The following PUS10 variants were observed in gnomAD, a reference collection of about 807,000 sequenced individuals.
PUS10 encodes the protein pseudouridine synthase 10.
In PUS10, 59 loss-of-function variants were observed where a neutral mutation model predicts 75.0. The ratio of observed to expected loss-of-function variants is 0.79; its 90% CI spans 0.64 to 0.98. The LOEUF is 0.98. Ranked by LOEUF, PUS10 falls within the 50% of genes least tolerant of loss-of-function variation. The pLI, the probability that PUS10 is intolerant of heterozygous loss-of-function variation, is 0.00. For missense variants in PUS10, 650 were observed against 614.4 expected, an observed-to-expected ratio of 1.06 and a Z score of -0.61; for synonymous variants, 219 against 211.6, an observed-to-expected ratio of 1.03 and a Z score of -0.30.
At chr2:61,015,831 A>G (rs1679940834) in intron 1 of PUS10, among the ~76,000 whole-genome samples, 1 of 152,324 alleles carries the variant, frequency 6.6e-6, no homozygotes, top group East Asian at 1.9e-4. Flanking sequence ...AGGGGCGAAT[A>G]TAAGCATTTA....
chr2:60,969,591 C>T (rs779219857), intron 5 of PUS10, among the ~76,000 whole-genome samples: 1 of 152,126 alleles, frequency 6.6e-6, no homozygotes, highest in Non-Finnish European at 1.5e-5. Flanking sequence ...AAAAGATGAA[C>T]CAGAGTATGC....
intron 12 of PUS10, 24 bp from the exon 13 acceptor site, chr2:60,954,182 A>C: frequency 6.2e-7 from 1 of 1,612,190 alleles, no homozygotes; most frequent in Non-Finnish European, 8.5e-7. Context: ...CCCCGTCATG[A>C]AACAGAAACG....
chr2:61,000,641 A>C (rs1485185205), intron 4 of PUS10, among the ~76,000 whole-genome samples: 2 of 152,206 alleles, frequency 1.3e-5, no homozygotes, highest in African/African-American at 4.8e-5. Context: ...ATTATGTTAT[A>C]ATCACATCTC....
intron 1 of PUS10, among the ~76,000 whole-genome samples, chr2:61,015,032 T>C (rs1279129899): frequency 6.6e-6 from 1 of 152,108 alleles, no homozygotes; most frequent in Non-Finnish European, 1.5e-5. Context: ...GGGGAATATG[T>C]GAGTCAGCAG....
intron 4 of PUS10, among the ~76,000 whole-genome samples, chr2:60,989,172 A>G (rs993931347): frequency 6.6e-6 from 1 of 152,112 alleles, no homozygotes; most frequent in African/African-American, 2.4e-5. Flanking sequence ...AAGCAGCACC[A>G]AGGAATTCTG....
At chr2:60,950,288 C>T (rs1421759842) in intron 15 of PUS10, among the ~76,000 whole-genome samples, 1 of 152,096 alleles carries the variant, frequency 6.6e-6, no homozygotes, top group Non-Finnish European at 1.5e-5. Flanking sequence ...CTGCACTTTG[C>T]TTTTTTTCTC....
chr2:61,017,907 A>T, intron 1 of PUS10, 101 bp downstream of exon 1: 1 of 1,511,356 alleles, frequency 6.6e-7, no homozygotes. Flanking sequence ...GGGACTTGGC[A>T]GGAGGCGGTT....
intron 4 of PUS10, among the ~76,000 whole-genome samples, chr2:60,977,559 ATTG>A (rs893843464): frequency 3.3e-5 from 5 of 152,184 alleles, no homozygotes; most frequent in Admixed American, 2.6e-4. Flanking sequence ...TTTTTGTACT[ATTG>A]TTTTTCTTGT....
chr2:60,943,692 T>C (rs1674758013), intron 17 of PUS10, among the ~76,000 whole-genome samples: 1 of 152,042 alleles, frequency 6.6e-6, no homozygotes, highest in African/African-American at 2.4e-5. Context: ...TATAGCCATA[T>C]ACCAAACACC....
At chr2:60,999,633 CT>C (rs1678715686) in intron 4 of PUS10, among the ~76,000 whole-genome samples, 1 of 151,966 alleles carries the variant, frequency 6.6e-6, no homozygotes, top group South Asian at 2.1e-4. Context: ...TAAATAAACA[CT>C]ATAATAAGTA....
chr2:61,011,749 A>G lies in PUS10; in HGVS notation c.126+16T>C. The G allele has an allele frequency of 6.6e-7, 1 of 1,505,258 alleles. No homozygotes were observed. The highest frequency in any genetic ancestry group is 8.8e-7 in the Non-Finnish European group (1 of 1,133,336). 93.2% of individuals were successfully genotyped at this position (1,505,258 alleles called of 1,614,324 possible). ...TTCTCTTAATTTGAAAAAAAAAAAA[A>G]AAGAAAAGAAAATACCTTGTATGGA... is the stretch of plus-strand genomic sequence containing the variant. On this transcript the variant is annotated intron_variant, in intron 2 of 17. Coordinates refer to ENST00000316752, the MANE Select transcript of PUS10 (RefSeq NM_144709.4).
At chr2:60,953,251 T>G in intron 14 of PUS10, 137 bp from the exon 15 acceptor site, 1 of 636,128 alleles carries the variant, frequency 1.6e-6, no homozygotes, top group Admixed American at 2.5e-5. Flanking sequence ...ATTTTTAGTA[T>G]GTTTTCAGAG....
intron 4 of PUS10, among the ~76,000 whole-genome samples, chr2:60,995,603 T>A (rs1310177003): frequency 3.3e-5 from 5 of 152,180 alleles, no homozygotes; most frequent in Non-Finnish European, 7.3e-5. Context: ...CGCCACACGG[T>A]CCTAAAAATT....
intron 5 of PUS10, among the ~76,000 whole-genome samples, chr2:60,968,804 T>C (rs772531155): frequency 1.1e-4 from 17 of 152,310 alleles, no homozygotes; most frequent in East Asian, 1.9e-4. Flanking sequence ...AATACCCAGA[T>C]AAACTCTACA....
At chr2:60,945,198 A>T in intron 16 of PUS10, 90 bp from the exon 17 acceptor site, 1 of 806,352 alleles carries the variant, frequency 1.2e-6, no homozygotes, top group Non-Finnish European at 2.1e-6. Context: ...TAAGAGCAGA[A>T]ATGTTACAAA....
chr2:60,962,752 A>C, intron 9 of PUS10, 74 bp downstream of exon 9: 1 of 1,513,564 alleles, frequency 6.6e-7, no homozygotes, highest in Non-Finnish European at 8.8e-7. Flanking sequence ...TTTCAGAGAT[A>C]ATCCAGCTTA....
intron 3 of PUS10, 57 bp from the exon 4 acceptor site, chr2:61,006,700 C>T: frequency 7.5e-7 from 1 of 1,330,382 alleles, no homozygotes; most frequent in South Asian, 1.3e-5. Flanking sequence ...TATTACTTAC[C>T]CTAATCTTAA....
At chr2:61,005,336 T>C (rs1023143972) in intron 4 of PUS10, among the ~76,000 whole-genome samples, 2 of 152,190 alleles carry the variant, frequency 1.3e-5, no homozygotes, top group African/African-American at 2.4e-5. Context: ...AATAGTAACA[T>C]TAAGCTAATA....
chr2:60,997,368 T>A (rs1678540917), intron 4 of PUS10, among the ~76,000 whole-genome samples: 3 of 152,098 alleles, frequency 2.0e-5, no homozygotes. Flanking sequence ...CCCAGCACTT[T>A]GAGAGGCCGA....
Sources: allele counts gnomAD v4.1 joint callset (sites outside exome capture counted in the v4.1 genomes callset), GRCh38; gene constraint gnomAD v4.1.1; transcripts MANE v1.5; gene names NCBI Gene and HGNC (gene_info 2026-07-23, HGNC 2026-07-21).